ATR: variants seen among roughly 807,000 people sequenced by gnomAD.
ATR encodes serine/threonine-protein kinase ATR.
In ATR, 142 loss-of-function variants were observed where a neutral mutation model predicts 305.3. That is an observed-to-expected ratio of 0.47 (90% CI 0.41 to 0.53). The LOEUF is 0.53. Ranked by LOEUF, ATR falls within the 20% of genes least tolerant of loss-of-function variation. The pLI, the probability that ATR is intolerant of heterozygous loss-of-function variation, is 0.00. For synonymous variants in ATR, 1,050 were observed against 1,068.1 expected (o/e 0.98, Z 0.33); for missense variants, 2,135 against 3,133.1 (o/e 0.68, Z 7.60).
intron 35 of ATR, among the ~76,000 whole-genome samples, chr3:142,486,724 C>G (rs2030948291): frequency 6.6e-6 from 1 of 151,892 alleles, no homozygotes; most frequent in African/African-American, 2.4e-5. Flanking sequence ...ATGTATACAA[C>G]TTGATCAATT....
chr3:142,453,570 A>G (rs1000673939), intron 45 of ATR, among the ~76,000 whole-genome samples: 1 of 152,204 alleles, frequency 6.6e-6, no homozygotes, highest in African/African-American at 2.4e-5. Context: ...TTCAATAACG[A>G]TATAACATCT....
intron 36 of ATR, among the ~76,000 whole-genome samples, chr3:142,472,953 T>C (rs768998286): frequency 6.6e-6 from 1 of 152,166 alleles, no homozygotes; most frequent in African/African-American, 2.4e-5. Flanking sequence ...TGATTTGCTT[T>C]CTTACTATTA....
chr3:142,516,080 T>C (rs2032847992), intron 24 of ATR, among the ~76,000 whole-genome samples: 1 of 152,188 alleles, frequency 6.6e-6, no homozygotes, highest in African/African-American at 2.4e-5. Flanking sequence ...ATGGTCATAG[T>C]TTCCTAAATT....
chr3:142,577,378 C>A (rs1223928873), intron 1 of ATR, among the ~76,000 whole-genome samples: 1 of 152,208 alleles, frequency 6.6e-6, no homozygotes. Flanking sequence ...CTCAGCTTCA[C>A]AATGAGCCTG....
Position 142,513,550 on chromosome 3 carries a change from T to C in ATR, c.4592A>G (p.His1531Arg), listed in dbSNP as rs200070057. 3.2e-4 allele frequency: 513 copies of C among 1,613,236 alleles called. No homozygotes were observed. Among genetic ancestry groups the C allele is most frequent in the Non-Finnish European group, 4.2e-4 (498 of 1,179,368 alleles). Residue 1531 changes from histidine (H) to arginine (R), a missense_variant, in exon 26 of 47, where the codon CAT (histidine) becomes CGT (arginine). His to Arg is a conservative substitution (Grantham distance 29). Transcript: ENST00000350721. ...ACCCAGTAAGACATACACCAGAATA[T>C]GTGGAAGAAGATAGATGGTCACTTT... is the stretch of plus-strand genomic sequence containing the variant. ...DFKVTIYLLP[H>R]ILVYVLLGCN...
intron 37 of ATR, 92 bp downstream of exon 37, chr3:142,469,994 G>A (rs777101136): frequency 5.1e-5 from 49 of 961,008 alleles, no homozygotes; most frequent in Non-Finnish European, 7.4e-5. Context: ...TTCATTCCAA[G>A]CTTCTAGGAA....
At chr3:142,537,433 T>C (rs971497384) in intron 19 of ATR, among the ~76,000 whole-genome samples, 3 of 152,082 alleles carry the variant, frequency 2.0e-5, no homozygotes, top group Non-Finnish European at 4.4e-5. Flanking sequence ...ACTTCTGCAA[T>C]AAACAGCAAA....
Position 142,560,362 on chromosome 3 carries a change from C to T in ATR, c.1442G>A (p.Gly481Asp), listed in dbSNP as rs2108482969. 6.2e-7 allele frequency: 1 copy of T among 1,613,668 alleles called. No individual in the cohort carries two copies. The highest frequency in any genetic ancestry group is 1.1e-5 in the South Asian group (1 of 91,060). Residue 481 changes from glycine to aspartate, a missense_variant, in exon 6 of 47, where the codon GGC (glycine) becomes GAC (aspartate). By Grantham distance (94) the Gly-to-Asp change is moderately conservative. This residue lies in a region of ATR where 744 missense variants were observed against 873.2 expected (regional missense o/e 0.85). Coordinates refer to ENST00000350721, the MANE Select transcript of ATR (RefSeq NM_001184.4). ...CATCTCAATAACAGGATTCTTTAGG[C>T]CACTGTATTCAAGGGAAATCTGAAG... ...ESLQISLEYS[G>D]LKNPVIEMLE...
rs778590904 is a variant in ATR at position 142,559,284 on chromosome 3, C to T, written c.1699G>A (p.Val567Met). 13 of 1,613,842 alleles carry T rather than the reference C, an allele frequency of 8.1e-6. No individual in the cohort carries two copies. Among genetic ancestry groups the T allele is most frequent in the East Asian group, 2.2e-5 (1 of 44,824 alleles). Residue 567 changes from valine to methionine, a missense_variant, in exon 7 of 47, where the codon GTG becomes ATG. Val to Met is a conservative substitution (Grantham distance 21). This residue lies in a region of ATR where 744 missense variants were observed against 873.2 expected (regional missense o/e 0.85). Coordinates refer to ENST00000350721, the MANE Select transcript of ATR (RefSeq NM_001184.4). ...TAAATCAAAGCATCATAAATTTTCA[C>T]CACCTTATCAATGGTTGCCTCCAGG... ...LDLEATIDKV[V>M]KIYDALIYMQ...
rs186407908 is a variant in ATR, at chr3:142,569,937, G to A, written c.60-1783C>T. Reference sequence around the variant, plus strand: ...TGGGATTACAGGCATCAGCCAACATGCCCAGCCCCAACTGTTTTTTTATTA... The same window carrying A: ...TGGGATTACAGGCATCAGCCAACATACCCAGCCCCAACTGTTTTTTTATTA... On this transcript the variant is annotated intron_variant, in intron 1 of 46. Coordinates refer to ENST00000350721, the MANE Select transcript of ATR (RefSeq NM_001184.4). Among the ~76,000 whole-genome samples, 13 of 152,254 alleles carry A rather than the reference G, an allele frequency of 8.5e-5. No individual in the cohort carries two copies. In the East Asian group the frequency reaches 2.5e-3, roughly 29 times the overall value.
chr3:142,488,377 C>A (rs2031080233), intron 35 of ATR, among the ~76,000 whole-genome samples: 1 of 152,092 alleles, frequency 6.6e-6, no homozygotes, highest in African/African-American at 2.4e-5. Context: ...TCATTAAACT[C>A]TCCCCAATTA....
chr3:142,496,209 A>G (rs2031582953), intron 34 of ATR, 152 bp downstream of exon 34: 1 of 197,608 alleles, frequency 5.1e-6, no homozygotes, highest in Non-Finnish European at 9.5e-6. Flanking sequence ...GTGATAGAAA[A>G]GGAAGGTTCT....
rs1409848365 is a variant in ATR, at chr3:142,449,358, G to C, written c.*71C>G. ...TTATGTTGTACTTTAGAATTGAACAGATACAACCACAGATTCATACCAAAT... is the reference window on the plus strand; with the variant it reads ...TTATGTTGTACTTTAGAATTGAACACATACAACCACAGATTCATACCAAAT... On this transcript the variant is annotated 3_prime_UTR_variant, in exon 47 of 47. Coordinates refer to ENST00000350721, the MANE Select transcript of ATR (RefSeq NM_001184.4). 16 of 1,429,850 alleles carry C rather than the reference G, an allele frequency of 1.1e-5. No individual in the cohort carries two copies. In the Admixed American group the frequency reaches 2.7e-4, roughly 24 times the overall value. The allele number at this position is 1,429,850 out of a possible 1,614,324, so 88.6% of individuals were successfully genotyped here.
chr3:142,563,060 G>C lies in ATR; in HGVS notation c.342C>G (p.Pro114=). 9 of 1,601,074 alleles carry C rather than the reference G, an allele frequency of 5.6e-6. No individual in the cohort carries two copies. The highest frequency in any genetic ancestry group is 7.7e-6 in the Non-Finnish European group (9 of 1,176,430). Residue 114 remains proline (P), a synonymous_variant, in exon 4 of 47, where the codon CCC becomes CCG. Transcript: ENST00000350721. ...TTTTCTTGTGTAACAAATGACAGGA[G>C]GGAGTTGCTGCAATCCGCAGAAGTC... ...ITRLLRIAAT[P]SCHLLHKKIC...
At position 142,569,624 on chromosome 3, in the gene ATR, G is replaced by GT. The variant is rs534874681; in HGVS notation, c.60-1471dup. Reference sequence around the variant, plus strand: ...GGCATGAGTCACCATGCCCAACTGTGTTTTTTTTTTGTGGGATTTTTTTTG... The same window carrying GT: ...GGCATGAGTCACCATGCCCAACTGTGTTTTTTTTTTTGTGGGATTTTTTTTG... On this transcript the variant is annotated intron_variant, in intron 1 of 46. Coordinates refer to ENST00000350721, the MANE Select transcript of ATR (RefSeq NM_001184.4). Among the ~76,000 whole-genome samples, 364 of 145,854 alleles carry GT rather than the reference G, an allele frequency of 2.5e-3. 1 individual carries two copies. The highest frequency in any genetic ancestry group is 4.0e-3 in the Non-Finnish European group (266 of 65,834).
intron 8 of ATR, 96 bp from the exon 9 acceptor site, chr3:142,556,671 C>T (rs2034685726): frequency 8.9e-7 from 1 of 1,123,050 alleles, no homozygotes; most frequent in South Asian, 1.5e-5. Flanking sequence ...TTTGTGTATA[C>T]ATATATATAA....
rs2108512565 is a variant in ATR, at chr3:142,578,650, C to T, written c.55G>A (p.Gly19Ser). Residue 19 changes from glycine (G) to serine (S), a missense_variant, in exon 1 of 47, where the codon GGC becomes AGC. This residue lies in a region of ATR where 744 missense variants were observed against 873.2 expected (regional missense o/e 0.85). Transcript: ENST00000350721. ...ASMIPALREL[G>S]SATPEEYNTV... ...CCAGGCTGGGCCTAGCCCTACCTGC[C>T]CAGCTCCCGCAGGGCGGGGATCATG... is the stretch of plus-strand genomic sequence containing the variant. 6.2e-7 allele frequency: 1 copy of T among 1,612,618 alleles called. No homozygotes were observed. Among genetic ancestry groups the T allele is most frequent in the Non-Finnish European group, 8.5e-7 (1 of 1,179,542 alleles).
At position 142,568,053 on chromosome 3, in the gene ATR, G is replaced by A; in HGVS notation, c.151+10C>T. On this transcript the variant is annotated intron_variant, in intron 2 of 46. Coordinates refer to ENST00000350721, the MANE Select transcript of ATR (RefSeq NM_001184.4). ...TATAAAGTTTATATAAGAAATAATT[G>A]GTTTCTTACCAACATTTACATCTGT... 6.3e-7 allele frequency: 1 copy of A among 1,575,644 alleles called. No homozygotes were observed. Among genetic ancestry groups the A allele is most frequent in the Non-Finnish European group, 8.7e-7 (1 of 1,152,478 alleles).
intron 1 of ATR, 106 bp downstream of exon 1, chr3:142,578,540 G>T: frequency 2.3e-6 from 3 of 1,319,554 alleles, no homozygotes; most frequent in Non-Finnish European, 3.1e-6. Context: ...CGCAGCGGGG[G>T]CTTAGGGGAT....
Sources: gnomAD v4.1 joint callset for allele counts (sites outside exome capture counted in the v4.1 genomes callset) on GRCh38, gnomAD v4.1.1 for gene constraint, gnomAD v4.1.1 regional missense constraint, MANE v1.5 for transcripts, NCBI Gene and HGNC (gene_info 2026-07-23, HGNC 2026-07-21) for gene names.